Variants in TTBK2 observed in about 807,000 individuals in gnomAD.
The protein encoded by TTBK2 is tau tubulin kinase 2, also known as tau-tubulin kinase 2.
In TTBK2, 28 loss-of-function variants were observed where a neutral mutation model predicts 110.8. The ratio of observed to expected loss-of-function variants is 0.25; its 90% CI spans 0.19 to 0.35. The LOEUF is 0.35. Ranked by LOEUF, TTBK2 falls within the 10% of genes least tolerant of loss-of-function variation. The pLI is 1.00. For missense variants in TTBK2, 1,369 were observed against 1,500.3 expected (o/e 0.91, Z 1.45); for synonymous variants, 532 against 527.3 (o/e 1.01, Z -0.12).
intron 3 of TTBK2, among the ~76,000 whole-genome samples, chr15:42,869,753 T>C (rs760636857): frequency 2.6e-5 from 4 of 152,180 alleles, no homozygotes; most frequent in South Asian, 4.1e-4. Context: ...TTTAGGGCTA[T>C]ACTTATTAGG....
intron 6 of TTBK2, among the ~76,000 whole-genome samples, chr15:42,822,029 T>G (rs1892325727): frequency 6.6e-6 from 1 of 152,220 alleles, no homozygotes; most frequent in African/African-American, 2.4e-5. Flanking sequence ...TAATAACTAA[T>G]GATATTGACC....
chr15:42,806,455 A>G lies in TTBK2; in HGVS notation c.822+4159T>C, dbSNP rs116543419. Among the ~76,000 whole-genome samples, 1,480 of 152,232 alleles carry G rather than the reference A, an allele frequency of 9.7e-3. 33 individuals are homozygous for G. The highest frequency in any genetic ancestry group is 0.034 in the African/African-American group (1,427 of 41,536). ...CATGCTCCTGTTTATAACACTTCCA[A>G]CGCTTTGTGTTGTACTTAGAATAAA... On this transcript the variant is annotated intron_variant, in intron 9 of 14. Transcript: ENST00000267890.
At chr15:42,815,555 C>T (rs549981120) in intron 7 of TTBK2, among the ~76,000 whole-genome samples, 5 of 151,714 alleles carry the variant, frequency 3.3e-5, no homozygotes, top group East Asian at 1.9e-4. Context: ...TCATAAAGTT[C>T]GGGATGAAGG....
At chr15:42,895,860 A>G (rs1895648453) in intron 1 of TTBK2, among the ~76,000 whole-genome samples, 1 of 151,816 alleles carries the variant, frequency 6.6e-6, no homozygotes, top group Non-Finnish European at 1.5e-5. Context: ...CATTACCACT[A>G]TCTAATCCCA....
chr15:42,883,107 C>T (rs1366007707), intron 1 of TTBK2, among the ~76,000 whole-genome samples: 3 of 152,176 alleles, frequency 2.0e-5, no homozygotes, highest in Non-Finnish European at 2.9e-5. Flanking sequence ...GAGGGCTGGG[C>T]GCGGTGGCTC....
rs1890298300 is a variant in TTBK2, at chr15:42,783,971, A to C, written c.981-336T>G. Among the ~76,000 whole-genome samples the C allele has an allele frequency of 2.0e-5, 3 of 152,162 alleles. No individual in the cohort carries two copies. In the South Asian group the frequency reaches 6.2e-4, roughly 32 times the overall value. ...CAGCTACTTATGAGGCTGAGGCAGG[A>C]GAATTGCTTGAATCTAGAAGGCGGA... On this transcript the variant is annotated intron_variant, in intron 10 of 14. Coordinates refer to ENST00000267890, the MANE Select transcript of TTBK2 (RefSeq NM_173500.4).
chr15:42,828,205 G>A (rs994223452), intron 5 of TTBK2, among the ~76,000 whole-genome samples, 173 bp from the exon 6 acceptor site: 8 of 151,922 alleles, frequency 5.3e-5, no homozygotes, highest in African/African-American at 1.9e-4. Flanking sequence ...TTAGTTTTGG[G>A]TTCTATTAGT....
intron 11 of TTBK2, among the ~76,000 whole-genome samples, chr15:42,778,327 T>C (rs1890022848): frequency 6.9e-6 from 1 of 145,412 alleles, no homozygotes; most frequent in African/African-American, 2.5e-5. Flanking sequence ...AAATTATTAA[T>C]TAGTGAAGTG....
At chr15:42,795,376 T>A (rs188986396) in intron 9 of TTBK2, among the ~76,000 whole-genome samples, 30 of 152,270 alleles carry the variant, frequency 2.0e-4, no homozygotes. Context: ...TTGATTTATA[T>A]CCTGTATAAT....
At chr15:42,915,884 C>T (rs535427018) in intron 1 of TTBK2, among the ~76,000 whole-genome samples, 2 of 152,080 alleles carry the variant, frequency 1.3e-5, no homozygotes, top group South Asian at 4.2e-4. Context: ...GAGGTCAAGG[C>T]TGCAGTGAGC....
chr15:42,794,244 A>C (rs1890835076), intron 10 of TTBK2, among the ~76,000 whole-genome samples: 1 of 152,224 alleles, frequency 6.6e-6, no homozygotes, highest in African/African-American at 2.4e-5. Context: ...ATGAAGGTTA[A>C]ATCACTTTAA....
At chr15:42,902,068 T>C (rs766872627) in intron 1 of TTBK2, among the ~76,000 whole-genome samples, 1 of 146,126 alleles carries the variant, frequency 6.8e-6, no homozygotes, top group Non-Finnish European at 1.5e-5. Context: ...ATACAAAAAT[T>C]AGCCAGGCGT....
At chr15:42,876,765 C>T (rs1009395199) in intron 2 of TTBK2, among the ~76,000 whole-genome samples, 3 of 151,806 alleles carry the variant, frequency 2.0e-5, no homozygotes, top group African/African-American at 7.3e-5. Flanking sequence ...CTTTAAGAAA[C>T]AAGCAGTATT....
intron 12 of TTBK2, among the ~76,000 whole-genome samples, chr15:42,776,288 C>T (rs986422819): frequency 6.6e-6 from 1 of 152,154 alleles, no homozygotes; most frequent in African/African-American, 2.4e-5. Context: ...TAGAGATGCA[C>T]CATTGAAGGG....
intron 7 of TTBK2, among the ~76,000 whole-genome samples, chr15:42,814,311 G>C (rs2140935894): frequency 6.6e-6 from 1 of 152,276 alleles, no homozygotes; most frequent in South Asian, 2.1e-4. Context: ...AGGCATGGTG[G>C]CTCATGCATG....
At chr15:42,761,294 C>T (rs556545011) in intron 13 of TTBK2, among the ~76,000 whole-genome samples, 2 of 152,030 alleles carry the variant, frequency 1.3e-5, no homozygotes. Context: ...TGAATAAGAC[C>T]TCAAAAGCAC....
Position 42,753,306 on chromosome 15 carries a change from T to C in TTBK2, c.1999-59A>G. The C allele has an allele frequency of 3.3e-6, 5 of 1,511,482 alleles. No homozygotes were observed. In the South Asian group the frequency reaches 3.5e-5, roughly 11 times the overall value. 93.6% of individuals were successfully genotyped at this position (1,511,482 alleles called of 1,614,324 possible). A position where few individuals can be genotyped will look rare whatever the true frequency, so the allele number is the denominator to read the frequency against. ...TATGTAAAATATCAACAAAGATGCA[T>C]GCTTTGAGATTTAACATCTCCAATT... On this transcript the variant is annotated intron_variant, in intron 13 of 14. Transcript: ENST00000267890.
Position 42,783,610 on chromosome 15 carries a change from C to T in TTBK2, c.1006G>A (p.Gly336Arg). The change falls in exon 11 of 15, where the codon GGA becomes AGA. Residue 336 changes from glycine (G) to arginine (R), a missense_variant. Transcript: ENST00000267890. The stretch of plus-strand genomic sequence containing the variant: ...TCTGTATTTTCTCGAAGCAAGTCTC[C>T]AGGGATGGGAGTAGCATTGGCAATT... ...IGIANATPIP[G>R]DLLRENTDEV... 1 of 1,613,904 alleles carries T rather than the reference C, an allele frequency of 6.2e-7. No individual in the cohort carries two copies. Among genetic ancestry groups the T allele is most frequent in the Non-Finnish European group, 8.5e-7 (1 of 1,179,978 alleles).
chr15:42,751,883 C>T, intron 14 of TTBK2, 91 bp downstream of exon 14: 1 of 1,460,298 alleles, frequency 6.8e-7, no homozygotes. Flanking sequence ...GAGAAGGGGG[C>T]AACACAGAAA....
Sources: allele counts gnomAD v4.1 joint callset (sites outside exome capture counted in the v4.1 genomes callset), GRCh38; gene constraint gnomAD v4.1.1; transcripts MANE v1.5; gene names NCBI Gene and HGNC (gene_info 2026-07-23, HGNC 2026-07-21).